The following DZIP1 variants were observed in gnomAD, a reference collection of about 807,000 sequenced individuals.
DZIP1 encodes cilium assembly protein DZIP1.
DZIP1 carries 97 observed loss-of-function variants against 107.6 expected under a neutral mutation model. The observed-to-expected ratio is 0.90, with a 90% CI of 0.77 to 1.07. The LOEUF (loss-of-function observed/expected upper bound fraction) is 1.07, where lower values mean the gene tolerates loss of function less well. Ranked by LOEUF, DZIP1 falls within the 50% of genes least tolerant of loss-of-function variation. The pLI is 0.00. For synonymous variants in DZIP1, 390 were observed against 386.4 expected (o/e 1.01, Z -0.11); for missense variants, 1,035 against 1,063.6 (o/e 0.97, Z 0.37).
At chr13:95,630,619 G>T in intron 6 of DZIP1, 2 of 926,718 alleles carry the variant, frequency 2.2e-6, no homozygotes, top group Non-Finnish European at 2.8e-6. Context: ...GCAAACTTGG[G>T]CCATAGTCTA....
chr13:95,616,664 C>T (rs983886880), intron 10 of DZIP1, among the ~76,000 whole-genome samples: 1 of 152,108 alleles, frequency 6.6e-6, no homozygotes, highest in Admixed American at 6.5e-5. Context: ...GTGACCAGGA[C>T]CCAGAGGCCA....
intron 13 of DZIP1, among the ~76,000 whole-genome samples, chr13:95,608,366 T>C (rs560148931): frequency 6.6e-6 from 1 of 151,636 alleles, no homozygotes. Flanking sequence ...AAAGAACCTC[T>C]AATAATTTTT....
intron 9 of DZIP1, among the ~76,000 whole-genome samples, chr13:95,621,339 C>T (rs1234676597): frequency 3.9e-5 from 6 of 152,110 alleles, no homozygotes; most frequent in African/African-American, 1.4e-4. Flanking sequence ...AAGGACCCTG[C>T]GTGCTGGTAG....
chr13:95,606,285 T>C (rs1306365662), intron 13 of DZIP1, among the ~76,000 whole-genome samples: 2 of 152,240 alleles, frequency 1.3e-5, no homozygotes, highest in Non-Finnish European at 2.9e-5. Flanking sequence ...AGTGGGTTTT[T>C]AGCATATTCA....
At position 95,641,436 on chromosome 13, in the gene DZIP1, G is replaced by A. The variant is rs1878482923; in HGVS notation, c.456C>T (p.Ser152=). ...LHTLEERLRL[S]HCDGEQSKKL... ...TCTTGCTCTGCTCGCCGTCGCAGTG[G>A]CTCAGGCGCAGCCGCTCCTCCAGGG... Residue 152 remains serine (S), a synonymous_variant, in exon 5 of 23, where the codon AGC becomes AGT. Coordinates refer to ENST00000376829, the MANE Select transcript of DZIP1 (RefSeq NM_198968.4). This position sits in a 1 kb window ranked among gnomAD's most constrained non-coding sequence, Gnocchi z 4.3. The A allele has an allele frequency of 1.2e-6, 2 of 1,614,038 alleles. No individual in the cohort carries two copies. Among genetic ancestry groups the A allele is most frequent in the African/African-American group, 2.7e-5 (2 of 74,936 alleles).
At chr13:95,638,702 G>A (rs1030758255) in intron 5 of DZIP1, among the ~76,000 whole-genome samples, 11 of 152,076 alleles carry the variant, frequency 7.2e-5, no homozygotes, top group Admixed American at 2.6e-4. Flanking sequence ...GGATGCGTGC[G>A]TGTGTGTGTC....
intron 9 of DZIP1, among the ~76,000 whole-genome samples, chr13:95,621,327 C>T (rs1425452341): frequency 6.6e-6 from 1 of 152,118 alleles, no homozygotes; most frequent in African/African-American, 2.4e-5. Flanking sequence ...GCCCAGAATC[C>T]GAAGGACCCT....
intron 16 of DZIP1, among the ~76,000 whole-genome samples, chr13:95,591,090 G>A (rs999004834): frequency 1.4e-5 from 2 of 147,798 alleles, no homozygotes; most frequent in South Asian, 2.1e-4. Context: ...GTGCAATGGC[G>A]CAATCTCAGT....
At position 95,585,004 on chromosome 13, in the gene DZIP1, A is replaced by C. The variant is rs1594638049; in HGVS notation, c.2350-94T>G. On this transcript the variant is annotated intron_variant, in intron 21 of 22. Coordinates refer to ENST00000376829, the MANE Select transcript of DZIP1 (RefSeq NM_198968.4). ...GGTTAGACTGAGCATCTAACACTGA[A>C]CCATAAGGAAAGAAGTGGGGAACTA... 14 of 954,604 alleles carry C rather than the reference A, an allele frequency of 1.5e-5. No individual in the cohort carries two copies. In the East Asian group the frequency reaches 3.5e-4, roughly 24 times the overall value. The allele number at this position is 954,604 out of a possible 1,614,324, so 59.1% of individuals were successfully genotyped here.
chr13:95,641,255 T>C lies in DZIP1; in HGVS notation c.597+40A>G. 6.5e-7 allele frequency: 1 copy of C among 1,531,040 alleles called. No individual in the cohort carries two copies. Among genetic ancestry groups the C allele is most frequent in the African/African-American group, 1.4e-5 (1 of 72,594 alleles). The allele number at this position is 1,531,040 out of a possible 1,614,324, so 94.8% of individuals were successfully genotyped here. On this transcript the variant is annotated intron_variant, in intron 5 of 22. Coordinates refer to ENST00000376829, the MANE Select transcript of DZIP1 (RefSeq NM_198968.4). This position sits in a 1 kb window ranked among gnomAD's most constrained non-coding sequence, Gnocchi z 4.3. ...GGCCTATCAAATGGGAACTGAGTTG[T>C]TTACTGGATTATGAATCGTGCTCAC...
intron 19 of DZIP1, 67 bp from the exon 20 acceptor site, chr13:95,587,796 G>T: frequency 1.3e-6 from 2 of 1,497,204 alleles, no homozygotes; most frequent in Non-Finnish European, 9.0e-7. Context: ...AATATTAAGA[G>T]ATGTGCCTCT....
At chr13:95,586,235 C>T in intron 20 of DZIP1, 99 bp from the exon 21 acceptor site, 2 of 981,124 alleles carry the variant, frequency 2.0e-6, no homozygotes, top group Admixed American at 6.9e-5. Flanking sequence ...AGAGTCTAAG[C>T]TTTGGAAGTA....
rs1245081802 is a variant in DZIP1, at chr13:95,582,227, T to C, written c.*7A>G. On this transcript the variant is annotated 3_prime_UTR_variant, in exon 23 of 23. Transcript: ENST00000376829. ...TGGCTTCTGGAATAATCTTCTGACA[T>C]GTGGAATTAGACATCTGAAGTGTCG... The C allele has an allele frequency of 1.9e-6, 3 of 1,613,302 alleles. No homozygotes were observed. The highest frequency in any genetic ancestry group is 2.5e-6 in the Non-Finnish European group (3 of 1,179,252).
intron 14 of DZIP1, among the ~76,000 whole-genome samples, chr13:95,602,673 G>A (rs1274047420): frequency 1.3e-5 from 2 of 152,240 alleles, no homozygotes; most frequent in African/African-American, 4.8e-5. Context: ...TTTCCAGGAT[G>A]TATGTCCAGG....
Position 95,584,877 on chromosome 13 carries a change from A to T in DZIP1, c.2383T>A (p.Ser795Thr). The change falls in exon 22 of 23, where the codon TCA (serine) becomes ACA (threonine). Residue 795 changes from serine (S) to threonine (T), a missense_variant. Transcript: ENST00000376829. ...ADVEDEDWDI[S>T]SLEEEISLGK... is the part of the protein sequence containing the mutation. ...AAAGATATCTCTTCCTCTAGGGATG[A>T]TATGTCCCAGTCTTCATCCTCCACA... 6.2e-7 allele frequency: 1 copy of T among 1,614,010 alleles called. No homozygotes were observed. The highest frequency in any genetic ancestry group is 8.5e-7 in the Non-Finnish European group (1 of 1,179,960).
At chr13:95,642,266 G>T (rs547219820) in intron 3 of DZIP1, 25 bp from the exon 4 acceptor site, 26 of 483,208 alleles carry the variant, frequency 5.4e-5, no homozygotes, top group African/African-American at 4.7e-4. Flanking sequence ...AAGACCTCTT[G>T]GACGAGCCCG....
intron 5 of DZIP1, among the ~76,000 whole-genome samples, chr13:95,637,953 TAGGA>T (rs371321584): frequency 9.9e-5 from 15 of 152,182 alleles, no homozygotes; most frequent in African/African-American, 3.6e-4. Context: ...TAAACATAAA[TAGGA>T]AGGATATAGT....
At chr13:95,586,183 A>G in intron 20 of DZIP1, 47 bp from the exon 21 acceptor site, 1 of 1,500,246 alleles carries the variant, frequency 6.7e-7, no homozygotes, top group Non-Finnish European at 9.0e-7. Context: ...TAAAAATTTA[A>G]TCTATCTTTA....
chr13:95,595,644 A>G (rs2044427130), intron 15 of DZIP1, among the ~76,000 whole-genome samples: 1 of 152,142 alleles, frequency 6.6e-6, no homozygotes, highest in Admixed American at 6.5e-5. Flanking sequence ...CAAGTGTGCA[A>G]CTGTCTAGGG....
Sources: gnomAD v4.1 joint callset for allele counts (sites outside exome capture counted in the v4.1 genomes callset) on GRCh38, gnomAD v4.1.1 for gene constraint, Gnocchi (gnomAD v3.1) non-coding constraint, MANE v1.5 for transcripts, NCBI Gene and HGNC (gene_info 2026-07-23, HGNC 2026-07-21) for gene names.